EFCAB6: variants seen among roughly 807,000 people sequenced by gnomAD.
EFCAB6 encodes the protein EF-hand calcium-binding domain-containing protein 6.
A neutral mutation model predicts 169.8 loss-of-function variants in EFCAB6; 156 were observed. The observed-to-expected ratio is 0.92, with a 90% CI of 0.81 to 1.05. EFCAB6 has a LOEUF of 1.05. Among genes scored for constraint, EFCAB6 ranks in the 50% least tolerant of loss-of-function variants. The pLI is 0.00. For missense variants in EFCAB6, 1,800 were observed against 1,829.1 expected (o/e 0.98, Z 0.29); for synonymous variants, 698 against 676.4 (o/e 1.03, Z -0.50).
intron 19 of EFCAB6, among the ~76,000 whole-genome samples, chr22:43,627,155 T>C (rs912671369): frequency 5.3e-5 from 8 of 152,296 alleles, no homozygotes; most frequent in African/African-American, 1.9e-4. Flanking sequence ...ATGACCGTGA[T>C]AGAGATCAGC....
At chr22:43,803,568 GA>G (rs1411346575) in intron 2 of EFCAB6, among the ~76,000 whole-genome samples, 1 of 151,964 alleles carries the variant, frequency 6.6e-6, no homozygotes, top group Admixed American at 6.6e-5. Context: ...TATCAAAAAA[GA>G]AAAAGAAGGT....
At chr22:43,784,626 TATATATGTATATGTAC>T in intron 2 of EFCAB6, among the ~76,000 whole-genome samples, 1 of 73,588 alleles carries the variant, frequency 1.4e-5, no homozygotes, top group Non-Finnish European at 3.0e-5. Context: ...TATATACACA[TATATATGTATATGTAC>T]ACATATATAT....
chr22:43,658,157 T>TG (rs2148125026), intron 17 of EFCAB6, among the ~76,000 whole-genome samples: 1 of 151,980 alleles, frequency 6.6e-6, no homozygotes, highest in East Asian at 1.9e-4. Context: ...TGAACCTGGG[T>TG]GGGGGCGGAG....
intron 24 of EFCAB6, 76 bp from the exon 25 acceptor site, chr22:43,580,735 AG>A (rs1337380788): frequency 4.1e-5 from 61 of 1,491,214 alleles, no homozygotes; most frequent in Non-Finnish European, 5.5e-5. Flanking sequence ...ACAGTTGCTG[AG>A]CACATTGGGC....
chr22:43,576,921 A>G (rs1205349370), intron 25 of EFCAB6, among the ~76,000 whole-genome samples: 1 of 152,084 alleles, frequency 6.6e-6, no homozygotes, highest in Non-Finnish European at 1.5e-5. Context: ...CTCAGGAGAG[A>G]CCCCACCGCA....
At chr22:43,680,392 T>A (rs1419371960) in intron 12 of EFCAB6, among the ~76,000 whole-genome samples, 2 of 152,294 alleles carry the variant, frequency 1.3e-5, no homozygotes, top group East Asian at 3.9e-4. Flanking sequence ...TATTCTAACT[T>A]TGTTCTTCTT....
chr22:43,774,454 C>A (rs192792024), intron 3 of EFCAB6, among the ~76,000 whole-genome samples: 3 of 151,774 alleles, frequency 2.0e-5, no homozygotes, highest in African/African-American at 7.3e-5. Flanking sequence ...CCACGCCACA[C>A]AGGGACTGCG....
At chr22:43,531,034 C>T in intron 30 of EFCAB6, 70 bp from the exon 31 acceptor site, 1 of 1,590,506 alleles carries the variant, frequency 6.3e-7, no homozygotes, top group Non-Finnish European at 8.6e-7. Context: ...CTCCTCCTCG[C>T]CTCGCCCCCG....
chr22:43,555,076 C>T lies in EFCAB6; in HGVS notation c.3441G>A (p.Glu1147=). The change falls in exon 27 of 32, where the codon GAG becomes GAA. Residue 1147 remains glutamate (E), a synonymous_variant. Coordinates refer to ENST00000262726, the MANE Select transcript of EFCAB6 (RefSeq NM_022785.4). ...FLEETADEWA[E]KMPKGPPPTS... ...TAGGCGGCGGGCCTTTGGGCATTTT[C>T]TCAGCCCACTCATCAGCTGTCTGGA... The T allele has an allele frequency of 6.2e-7, 1 of 1,614,218 alleles. No homozygotes were observed. Among genetic ancestry groups the T allele is most frequent in the Non-Finnish European group, 8.5e-7 (1 of 1,180,034 alleles).
At chr22:43,600,344 C>T (rs747255357) in intron 22 of EFCAB6, 81 bp from the exon 23 acceptor site, 27 of 1,413,962 alleles carry the variant, frequency 1.9e-5, no homozygotes, top group Non-Finnish European at 2.6e-5. Flanking sequence ...AAAATGCCTG[C>T]ACCATCCATG....
At chr22:43,601,659 A>G (rs1023586583) in intron 22 of EFCAB6, among the ~76,000 whole-genome samples, 1 of 152,256 alleles carries the variant, frequency 6.6e-6, no homozygotes, top group Admixed American at 6.5e-5. Context: ...CTGGGTGAAC[A>G]ATAAAGAAAA....
At chr22:43,760,722 A>C (rs1003124711) in intron 5 of EFCAB6, among the ~76,000 whole-genome samples, 9 of 150,746 alleles carry the variant, frequency 6.0e-5, no homozygotes, top group African/African-American at 2.0e-4. Context: ...GTGGTGGCAC[A>C]ATCTTGACTC....
chr22:43,585,167 G>A (rs2050977465), intron 24 of EFCAB6, among the ~76,000 whole-genome samples: 1 of 152,054 alleles, frequency 6.6e-6, no homozygotes, highest in Non-Finnish European at 1.5e-5. Context: ...ATCAGATAGG[G>A]AATTTAAAAT....
chr22:43,746,245 C>T (rs569534850), intron 6 of EFCAB6, among the ~76,000 whole-genome samples: 13 of 152,332 alleles, frequency 8.5e-5, no homozygotes, highest in East Asian at 3.9e-4. Context: ...AATTTCTTTA[C>T]TGACCATAGG....
At chr22:43,692,083 G>C (rs2058432317) in intron 10 of EFCAB6, among the ~76,000 whole-genome samples, 1 of 152,066 alleles carries the variant, frequency 6.6e-6, no homozygotes, top group Non-Finnish European at 1.5e-5. Flanking sequence ...CAGCCAGAGA[G>C]GGATCCCCAA....
At chr22:43,615,802 T>G (rs1344600203) in intron 21 of EFCAB6, 24 bp downstream of exon 21, 1 of 1,581,488 alleles carries the variant, frequency 6.3e-7, no homozygotes, top group Non-Finnish European at 8.7e-7. Flanking sequence ...TTCTTTCCTT[T>G]TAAGGAAATA....
chr22:43,537,657 GC>G lies in EFCAB6; in HGVS notation c.3880-113del. On this transcript the variant is annotated intron_variant, in intron 28 of 31. Coordinates refer to ENST00000262726, the MANE Select transcript of EFCAB6 (RefSeq NM_022785.4). The surrounding 1 kb of genome is among the most constrained non-coding windows in gnomAD (Gnocchi z 4.3). The stretch of plus-strand genomic sequence containing the variant: ...GTTCACAATTTTAGAGGCAGAATTA[GC>G]CCAGAAATAAAATGAAGAATAAAAC... 8.2e-7 allele frequency: 1 copy of G among 1,223,238 alleles called. No individual in the cohort carries two copies. The highest frequency in any genetic ancestry group is 1.1e-6 in the Non-Finnish European group (1 of 905,350). The allele number at this position is 1,223,238 out of a possible 1,614,324, so 75.8% of individuals were successfully genotyped here. A position where few individuals can be genotyped will look rare whatever the true frequency, so the allele number is the denominator to read the frequency against.
At chr22:43,811,960 G>C (rs1428062271) in intron 1 of EFCAB6, among the ~76,000 whole-genome samples, 1 of 152,182 alleles carries the variant, frequency 6.6e-6, no homozygotes, top group Non-Finnish European at 1.5e-5. Context: ...GGGCCCTACT[G>C]TTCCCCACAG....
intron 3 of EFCAB6, among the ~76,000 whole-genome samples, chr22:43,776,076 G>A (rs2061630447): frequency 6.6e-6 from 1 of 152,242 alleles, no homozygotes; most frequent in Non-Finnish European, 1.5e-5. Context: ...GAACAGAAGA[G>A]GAAAAGGCTT....
Sources: gnomAD v4.1 joint callset for allele counts (sites outside exome capture counted in the v4.1 genomes callset) on GRCh38, gnomAD v4.1.1 for gene constraint, Gnocchi (gnomAD v3.1) non-coding constraint, MANE v1.5 for transcripts, NCBI Gene and HGNC (gene_info 2026-07-23, HGNC 2026-07-21) for gene names.